The following DIP2C variants were observed in gnomAD, a reference collection of about 807,000 sequenced individuals.
The protein encoded by DIP2C is disco-interacting protein 2 homolog C.
A neutral mutation model predicts 192.4 loss-of-function variants in DIP2C; 33 were observed. That is an observed-to-expected ratio of 0.17 (90% confidence interval 0.13 to 0.23). The LOEUF (loss-of-function observed/expected upper bound fraction) is 0.23, where lower values mean the gene tolerates loss of function less well. DIP2C is among the 10% of genes least tolerant of loss of function. The probability of loss-of-function intolerance (pLI) is 1.00; values close to 1 mark genes in which losing one functional copy is unlikely to be tolerated. For synonymous variants in DIP2C, 979 were observed against 864.1 expected (o/e 1.13, Z -2.33); for missense variants, 1,537 against 2,110.1 (o/e 0.73, Z 5.32).
At chr10:453,686 A>C (rs1380288902) in intron 3 of DIP2C, among the ~76,000 whole-genome samples, 1 of 152,232 alleles carries the variant, frequency 6.6e-6, no homozygotes, top group East Asian at 1.9e-4. Context: ...AAGAGAAAAG[A>C]AGCAGATGCA....
At chr10:583,085 G>T (rs1488037378) in intron 1 of DIP2C, among the ~76,000 whole-genome samples, 1 of 152,188 alleles carries the variant, frequency 6.6e-6, no homozygotes, top group Non-Finnish European at 1.5e-5. Flanking sequence ...AGGTTTGCAA[G>T]AATCAGTGAC....
intron 1 of DIP2C, among the ~76,000 whole-genome samples, chr10:576,359 T>C (rs1466424305): frequency 6.6e-6 from 1 of 152,150 alleles, no homozygotes; most frequent in Non-Finnish European, 1.5e-5. Flanking sequence ...TGAAAGGCAA[T>C]GTTAAGAAGC....
intron 32 of DIP2C, among the ~76,000 whole-genome samples, chr10:295,950 C>T (rs1262008959): frequency 1.3e-5 from 2 of 152,176 alleles, no homozygotes; most frequent in Non-Finnish European, 2.9e-5. Context: ...ATCCTTCGCC[C>T]ACTTTTTGAT....
chr10:546,273 C>CTG (rs146739697), intron 1 of DIP2C, among the ~76,000 whole-genome samples: 39 of 55,682 alleles, frequency 7.0e-4, no homozygotes, highest in African/African-American at 2.1e-3. Flanking sequence ...CAGAGCAAGA[C>CTG]TCTTAAAAAA....
At chr10:415,623 A>T in intron 7 of DIP2C, 146 bp downstream of exon 7, 1 of 1,089,738 alleles carries the variant, frequency 9.2e-7, no homozygotes, top group Non-Finnish European at 1.3e-6. Flanking sequence ...TGGGAACATC[A>T]CCCGCTCCCT....
chr10:310,363 C>A (rs187448472), intron 31 of DIP2C, among the ~76,000 whole-genome samples: 8 of 152,296 alleles, frequency 5.3e-5, no homozygotes, highest in Admixed American at 5.2e-4. Flanking sequence ...AAGCCACGCA[C>A]TGTGCCAAAA....
At chr10:523,301 G>A (rs1463975298) in intron 1 of DIP2C, among the ~76,000 whole-genome samples, 2 of 151,624 alleles carry the variant, frequency 1.3e-5, no homozygotes, top group Non-Finnish European at 2.9e-5. Flanking sequence ...AGGATGCAGG[G>A]ACTCTGTGTG....
At chr10:478,007 AAGAGG>A (rs1181645353) in intron 2 of DIP2C, among the ~76,000 whole-genome samples, 1 of 3,080 alleles carries the variant, frequency 3.2e-4, no homozygotes, top group East Asian at 0.015. Flanking sequence ...AAGAGGAAAA[AAGAGG>A]GGAGGGGAGG....
At chr10:482,857 G>A (rs1404949173) in intron 2 of DIP2C, among the ~76,000 whole-genome samples, 1 of 152,218 alleles carries the variant, frequency 6.6e-6, no homozygotes, top group Non-Finnish European at 1.5e-5. Flanking sequence ...AGAGACTGAT[G>A]AGGGATGGGT....
rs150429703 is a variant in DIP2C at position 351,702 on chromosome 10, C to T, written c.2986-2248G>A. The stretch of plus-strand genomic sequence containing the variant: ...CAACAAGGAACGCAGGGCTGGAGTC[C>T]GGGAAATCCTGCTGAGAAGACAGAT... On this transcript the variant is annotated intron_variant, in intron 24 of 36. Transcript: ENST00000280886. Among the ~76,000 whole-genome samples, 661 of 152,284 alleles carry T rather than the reference C, an allele frequency of 4.3e-3. 5 individuals are homozygous for T. Among genetic ancestry groups the T allele is most frequent in the African/African-American group, 0.014 (600 of 41,552 alleles).
chr10:544,094 T>C (rs533503230), intron 1 of DIP2C, among the ~76,000 whole-genome samples: 9 of 152,366 alleles, frequency 5.9e-5, no homozygotes, highest in African/African-American at 1.7e-4. Flanking sequence ...AGCATGACCT[T>C]TGGTACTGCC....
chr10:505,446 C>A (rs758667291), intron 1 of DIP2C, among the ~76,000 whole-genome samples: 10 of 152,154 alleles, frequency 6.6e-5, no homozygotes, highest in African/African-American at 2.4e-4. Context: ...AATCTATTAA[C>A]CCCCTGCCTG....
At chr10:585,890 A>G (rs1850993805) in intron 1 of DIP2C, among the ~76,000 whole-genome samples, 1 of 152,210 alleles carries the variant, frequency 6.6e-6, no homozygotes, top group South Asian at 2.1e-4. Context: ...TTTAATCACC[A>G]TATTAGAGGG....
chr10:481,665 A>G (rs1203968870), intron 2 of DIP2C, among the ~76,000 whole-genome samples: 1 of 152,264 alleles, frequency 6.6e-6, no homozygotes, highest in African/African-American at 2.4e-5. Context: ...ACTGCAGCCC[A>G]GATAGACACC....
intron 1 of DIP2C, among the ~76,000 whole-genome samples, chr10:515,356 TCTC>T (rs769725709): frequency 5.9e-5 from 9 of 152,190 alleles, no homozygotes; most frequent in Non-Finnish European, 1.2e-4. Context: ...AGTACATCCC[TCTC>T]CTCCTAGGCT....
chr10:490,016 G>T (rs551800565), intron 1 of DIP2C, among the ~76,000 whole-genome samples: 2 of 56,008 alleles, frequency 3.6e-5, no homozygotes, highest in East Asian at 4.1e-4. Context: ...GGTGCCTGGG[G>T]CTTCCTCCAC....
At chr10:451,889 A>C (rs72478222) in intron 3 of DIP2C, among the ~76,000 whole-genome samples, 2 of 152,138 alleles carry the variant, frequency 1.3e-5, no homozygotes, top group Non-Finnish European at 2.9e-5. Context: ...ACATTTTAAG[A>C]AATGTTTGCA....
chr10:610,855 C>T (rs907217350), intron 1 of DIP2C, among the ~76,000 whole-genome samples: 1 of 146,066 alleles, frequency 6.8e-6, no homozygotes, highest in African/African-American at 2.6e-5. Context: ...AGGTGACTGA[C>T]TCATGGGGGT....
At chr10:458,567 A>AGAACCCGTGACGGCAAG (rs1169862749) in intron 3 of DIP2C, among the ~76,000 whole-genome samples, 2 of 149,506 alleles carry the variant, frequency 1.3e-5, no homozygotes, top group African/African-American at 5.0e-5. Flanking sequence ...CGGAGTGCTC[A>AGAACCCGTGACGGCAAG]GAACCCGTGA....
Sources: gnomAD v4.1 joint callset for allele counts (sites outside exome capture counted in the v4.1 genomes callset) on GRCh38, gnomAD v4.1.1 for gene constraint, MANE v1.5 for transcripts, NCBI Gene and HGNC (gene_info 2026-07-23, HGNC 2026-07-21) for gene names.